The following CCDC171 variants were observed in gnomAD, a reference collection of about 807,000 sequenced individuals.
The protein encoded by CCDC171 is coiled-coil domain-containing protein 171.
CCDC171 carries 177 observed loss-of-function variants against 168.2 expected under a neutral mutation model. The ratio of observed to expected loss-of-function variants is 1.05; its 90% CI spans 0.93 to 1.19. The LOEUF (loss-of-function observed/expected upper bound fraction) is 1.19. Ranked by LOEUF, CCDC171 falls within the 50% of genes most tolerant of loss-of-function variation. CCDC171 has a pLI of 0.00. For missense variants in CCDC171, 1,991 were observed against 1,539.0 expected, an observed-to-expected ratio of 1.29 and a Z score of -4.91; for synonymous variants, 687 against 540.8, an observed-to-expected ratio of 1.27 and a Z score of -3.75.
intron 2 of CCDC171, among the ~76,000 whole-genome samples, chr9:15,570,061 C>T (rs2040096136): frequency 6.6e-6 from 1 of 151,996 alleles, no homozygotes. Context: ...ACCTCTGCTT[C>T]CTGGGTTCAA....
rs1375838707 is a variant in CCDC171, at chr9:15,553,510, A to G, written c.-112+208A>G. On this transcript the variant is annotated intron_variant, in intron 1 of 25. Transcript: ENST00000380701. Reference sequence around the variant, plus strand: ...CCTAGCCAGAGATCGCTGAGGCTGTACCAGAGCGCCGGATGGGGACCAGAG... The same window carrying G: ...CCTAGCCAGAGATCGCTGAGGCTGTGCCAGAGCGCCGGATGGGGACCAGAG... 3 of 152,406 alleles carry G rather than the reference A, an allele frequency of 2.0e-5. 1 individual carries two copies. Among genetic ancestry groups the G allele is most frequent in the Admixed American group, 2.0e-4 (3 of 15,272 alleles). The allele number at this position is 152,406 out of a possible 1,614,324, so 9.4% of individuals were successfully genotyped here.
At chr9:15,609,151 G>C in intron 6 of CCDC171, among the ~76,000 whole-genome samples, 1 of 151,216 alleles carries the variant, frequency 6.6e-6, no homozygotes, top group Non-Finnish European at 1.5e-5. Context: ...CTAGGCTGGA[G>C]TGCAGTGGTG....
chr9:15,763,586 G>T (rs954211044), intron 18 of CCDC171, among the ~76,000 whole-genome samples: 1 of 152,194 alleles, frequency 6.6e-6, no homozygotes, highest in Non-Finnish European at 1.5e-5. Context: ...AAATGCCAAG[G>T]TTTTAGAGGT....
intron 18 of CCDC171, among the ~76,000 whole-genome samples, chr9:15,758,416 T>A (rs1277845647): frequency 1.3e-5 from 2 of 152,240 alleles, no homozygotes; most frequent in African/African-American, 4.8e-5. Flanking sequence ...ATTTACCCAA[T>A]GCCTGTACCT....
At chr9:15,916,561 T>C (rs1824550142) in intron 24 of CCDC171, among the ~76,000 whole-genome samples, 1 of 152,076 alleles carries the variant, frequency 6.6e-6, no homozygotes, top group Non-Finnish European at 1.5e-5. Context: ...TATTTTCTTC[T>C]TCTCTTAATA....
intron 7 of CCDC171, among the ~76,000 whole-genome samples, chr9:15,637,403 T>A (rs1287404612): frequency 6.6e-6 from 1 of 152,152 alleles, no homozygotes; most frequent in Non-Finnish European, 1.5e-5. Context: ...TATTGGTTGA[T>A]GTTATAGGTA....
intron 3 of CCDC171, among the ~76,000 whole-genome samples, chr9:15,990,656 T>C (rs887051525): frequency 6.6e-6 from 1 of 152,094 alleles, no homozygotes; most frequent in Non-Finnish European, 1.5e-5. Context: ...TCAAGACCCA[T>C]CAGTGTGCTG....
intron 7 of CCDC171, among the ~76,000 whole-genome samples, chr9:15,639,884 A>G (rs1414762913): frequency 6.6e-6 from 1 of 152,194 alleles, no homozygotes; most frequent in Admixed American, 6.5e-5. Flanking sequence ...TCAGAGAAGT[A>G]AGTAGAAGGA....
intron 7 of CCDC171, among the ~76,000 whole-genome samples, chr9:15,648,080 A>T (rs1021697339): frequency 1.3e-5 from 2 of 152,232 alleles, no homozygotes; most frequent in Admixed American, 1.3e-4. Flanking sequence ...CTGGGATGCA[A>T]GGCTGGTTCA....
At chr9:15,986,518 A>G (rs893453012) in intron 3 of CCDC171, among the ~76,000 whole-genome samples, 2 of 152,230 alleles carry the variant, frequency 1.3e-5, no homozygotes, top group African/African-American at 4.8e-5. Flanking sequence ...TTATGCGCTC[A>G]TTAAAAACTA....
At chr9:15,569,925 G>A (rs1378662966) in intron 2 of CCDC171, among the ~76,000 whole-genome samples, 1 of 150,812 alleles carries the variant, frequency 6.6e-6, no homozygotes, top group Non-Finnish European at 1.5e-5. Flanking sequence ...ATTTTTATTT[G>A]TTTAGTTTTT....
chr9:15,669,952 TA>T (rs34465887), intron 9 of CCDC171, among the ~76,000 whole-genome samples: 73,625 of 112,198 alleles, frequency 0.66, 23,568 homozygotes, highest in East Asian at 0.84. Context: ...GCTGAAGTCT[TA>T]AAAAAAAAAA....
At chr9:15,948,500 T>G (rs1247106470) in intron 25 of CCDC171, among the ~76,000 whole-genome samples, 1 of 150,662 alleles carries the variant, frequency 6.6e-6, no homozygotes, top group Non-Finnish European at 1.5e-5. Context: ...GTTTCCTGAC[T>G]TTTTAATGAT....
intron 21 of CCDC171, among the ~76,000 whole-genome samples, chr9:15,836,003 C>A (rs1331009364): frequency 6.6e-6 from 1 of 152,060 alleles, no homozygotes; most frequent in African/African-American, 2.4e-5. Context: ...TACATACTCA[C>A]CTAAGTCTCA....
intron 3 of CCDC171, among the ~76,000 whole-genome samples, chr9:15,577,928 C>T (rs1031371026): frequency 6.6e-6 from 1 of 152,184 alleles, no homozygotes; most frequent in Non-Finnish European, 1.5e-5. Context: ...ATGTGCCTCT[C>T]ATTGATCAAG....
intron 6 of CCDC171, among the ~76,000 whole-genome samples, chr9:15,599,533 G>T (rs914223864): frequency 1.3e-5 from 2 of 152,120 alleles, no homozygotes; most frequent in South Asian, 4.1e-4. Context: ...TAGTCTGATG[G>T]GCTTCCATTT....
At chr9:15,869,713 A>G (rs948256018) in intron 23 of CCDC171, among the ~76,000 whole-genome samples, 1 of 151,772 alleles carries the variant, frequency 6.6e-6, no homozygotes, top group Non-Finnish European at 1.5e-5. Flanking sequence ...CGTGGTCAGG[A>G]AAGTTAGGAC....
chr9:15,953,892 G>A (rs1342782734), intron 25 of CCDC171, among the ~76,000 whole-genome samples: 1 of 151,804 alleles, frequency 6.6e-6, no homozygotes, highest in Non-Finnish European at 1.5e-5. Flanking sequence ...TAATTTGTTA[G>A]TTAGTCCTGG....
intron 22 of CCDC171, among the ~76,000 whole-genome samples, chr9:15,847,989 A>G (rs1202177087): frequency 6.6e-6 from 1 of 152,024 alleles, no homozygotes; most frequent in Non-Finnish European, 1.5e-5. Flanking sequence ...GTTTGACTAA[A>G]TCAGTTTTTG....
Sources: gnomAD v4.1 joint callset for allele counts (sites outside exome capture counted in the v4.1 genomes callset) on GRCh38, gnomAD v4.1.1 for gene constraint, MANE v1.5 for transcripts, NCBI Gene and HGNC (gene_info 2026-07-23, HGNC 2026-07-21) for gene names.